The following TVP23A variants were observed in gnomAD, a reference collection of about 807,000 sequenced individuals.
TVP23A encodes the protein Golgi apparatus membrane protein TVP23 homolog A.
Under a neutral mutation model 31.7 loss-of-function variants are expected in TVP23A, and 21 were observed. The ratio of observed to expected loss-of-function variants is 0.66; its 90% CI spans 0.47 to 0.95. TVP23A has a LOEUF of 0.95. TVP23A is among the 40% of genes least tolerant of loss of function. The probability of loss-of-function intolerance (pLI) is 0.00; values close to 1 mark genes in which losing one functional copy is unlikely to be tolerated. For missense variants in TVP23A, 279 were observed against 255.6 expected, an observed-to-expected ratio of 1.09 and a Z score of -0.62; for synonymous variants, 104 against 96.0, an observed-to-expected ratio of 1.08 and a Z score of -0.49.
rs1232216789 is a variant in TVP23A, at chr16:10,768,814, C to T, written c.*288G>A. 4.6e-6 allele frequency: 2 copies of T among 438,560 alleles called. No individual in the cohort carries two copies. The highest frequency in any genetic ancestry group is 8.1e-6 in the Non-Finnish European group (2 of 248,078). 27.2% of individuals were successfully genotyped at this position (438,560 alleles called of 1,614,324 possible). A position where few individuals can be genotyped will look rare whatever the true frequency, so the allele number is the denominator to read the frequency against. ...GTAAGGAAACAGCATTCCCAGAATC[C>T]TCCATCTATAGATGGTCCGAGGAAG... On this transcript the variant is annotated 3_prime_UTR_variant, in exon 8 of 8. Transcript: ENST00000299866. This position sits in a 1 kb window ranked among gnomAD's most constrained non-coding sequence, Gnocchi z 4.3.
intron 5 of TVP23A, 71 bp from the exon 6 acceptor site, chr16:10,771,869 G>A: frequency 1.3e-6 from 2 of 1,523,152 alleles, no homozygotes; most frequent in Non-Finnish European, 1.8e-6. Context: ...CCCAGGCTGG[G>A]GTGCAGAGGC....
At chr16:10,805,466 A>T (rs910562869) in intron 2 of TVP23A, among the ~76,000 whole-genome samples, 9 of 151,354 alleles carry the variant, frequency 5.9e-5, no homozygotes, top group African/African-American at 1.7e-4. Context: ...AAAGTATCTT[A>T]AAGTCCAGGG....
intron 2 of TVP23A, among the ~76,000 whole-genome samples, chr16:10,812,097 G>A (rs1340204034): frequency 6.6e-6 from 1 of 151,916 alleles, no homozygotes; most frequent in East Asian, 1.9e-4. Context: ...CAAGAGACTT[G>A]AATAGACATT....
intron 3 of TVP23A, among the ~76,000 whole-genome samples, chr16:10,774,546 G>A (rs894099526): frequency 1.3e-5 from 2 of 151,064 alleles, no homozygotes; most frequent in Admixed American, 6.6e-5. Flanking sequence ...GTGAATAAGT[G>A]CCACGAGATC....
intron 2 of TVP23A, among the ~76,000 whole-genome samples, chr16:10,813,479 T>G (rs2034291520): frequency 6.6e-6 from 1 of 152,214 alleles, no homozygotes; most frequent in African/African-American, 2.4e-5. Flanking sequence ...CCAATTAATG[T>G]TTGGATCCTT....
chr16:10,776,452 T>G (rs1021869679), intron 2 of TVP23A, among the ~76,000 whole-genome samples: 4 of 151,904 alleles, frequency 2.6e-5, no homozygotes, highest in African/African-American at 9.7e-5. Flanking sequence ...TGGCAGTGGG[T>G]GATGTGGGCC....
Position 10,799,008 on chromosome 16 carries a change from C to A in TVP23A, c.89+19095G>T, listed in dbSNP as rs115065632. 6.4e-3 allele frequency among the ~76,000 whole-genome samples: 974 copies of A among 152,290 alleles called. 13 individuals carry two copies. The highest frequency in any genetic ancestry group is 0.022 in the African/African-American group (925 of 41,554). On this transcript the variant is annotated intron_variant, in intron 2 of 7. Transcript: ENST00000299866. ...ACTCTCTCCCTCATTCTCCCTAGGG[C>A]AAGCCAGCTGCCATGTTGGGAGCAG... is the stretch of plus-strand genomic sequence containing the variant.
At chr16:10,805,487 T>C (rs1332145696) in intron 2 of TVP23A, among the ~76,000 whole-genome samples, 1 of 150,710 alleles carries the variant, frequency 6.6e-6, no homozygotes, top group African/African-American at 2.4e-5. Context: ...GAGAGATACA[T>C]CTGTACTTTA....
chr16:10,764,467 G>A (rs2142794235), downstream of TVP23A, among the ~76,000 whole-genome samples: 1 of 151,010 alleles, frequency 6.6e-6, no homozygotes, highest in African/African-American at 2.4e-5. Flanking sequence ...ATCTCAGTCT[G>A]CTGGAGTATG....
intron 3 of TVP23A, among the ~76,000 whole-genome samples, chr16:10,774,332 C>G (rs2031844962): frequency 1.3e-5 from 2 of 152,172 alleles, no homozygotes; most frequent in Non-Finnish European, 2.9e-5. Context: ...ACTCCCCCCA[C>G]AAAACATATA....
intron 2 of TVP23A, among the ~76,000 whole-genome samples, chr16:10,788,020 G>A (rs181677682): frequency 3.3e-5 from 5 of 152,140 alleles, no homozygotes; most frequent in Non-Finnish European, 7.3e-5. Flanking sequence ...ATGGGGTCCT[G>A]AGAACATGTG....
chr16:10,800,252 A>C (rs2033633632), intron 2 of TVP23A: 1 of 152,008 alleles, frequency 6.6e-6, no homozygotes, highest in African/African-American at 2.4e-5. Flanking sequence ...GAGCTTCTAG[A>C]TTCTGCTAGA....
At chr16:10,811,727 A>AC (rs1356439958) in intron 2 of TVP23A, among the ~76,000 whole-genome samples, 1 of 150,740 alleles carries the variant, frequency 6.6e-6, no homozygotes, top group African/African-American at 2.4e-5. Context: ...ACATGGTGAA[A>AC]CCCCGTCTCT....
At chr16:10,782,081 C>T (rs149809579) in intron 2 of TVP23A, among the ~76,000 whole-genome samples, 4 of 151,878 alleles carry the variant, frequency 2.6e-5, no homozygotes, top group Admixed American at 6.6e-5. Context: ...GGGCTGGTCT[C>T]GAACTCCTGA....
chr16:10,815,477 C>T (rs2034397683), intron 2 of TVP23A, among the ~76,000 whole-genome samples: 1 of 152,120 alleles, frequency 6.6e-6, no homozygotes, highest in South Asian at 2.1e-4. Context: ...ATGCCTACTC[C>T]CACCCTGCAA....
At chr16:10,783,306 C>G (rs1480951164) in intron 2 of TVP23A, among the ~76,000 whole-genome samples, 1 of 152,162 alleles carries the variant, frequency 6.6e-6, no homozygotes, top group Non-Finnish European at 1.5e-5. Context: ...TGAAAACTTA[C>G]GTCTGCACAA....
chr16:10,784,820 T>C (rs1372344230), intron 2 of TVP23A, among the ~76,000 whole-genome samples: 1 of 151,998 alleles, frequency 6.6e-6, no homozygotes, highest in East Asian at 1.9e-4. Context: ...CAGAGCCAGG[T>C]CCAGGTGTGG....
chr16:10,816,466 T>A (rs372175152), intron 2 of TVP23A, among the ~76,000 whole-genome samples: 4 of 152,032 alleles, frequency 2.6e-5, no homozygotes, highest in African/African-American at 9.7e-5. Context: ...CCTGAGTGGC[T>A]GAGATTACAG....
intron 7 of TVP23A, chr16:10,769,473 G>T (rs936487897): frequency 4.9e-6 from 1 of 204,310 alleles, no homozygotes; most frequent in African/African-American, 2.3e-5. Flanking sequence ...GTGAAGATAA[G>T]AAAGCCTAGA....
Sources: allele counts gnomAD v4.1 joint callset (sites outside exome capture counted in the v4.1 genomes callset), GRCh38; gene constraint gnomAD v4.1.1; non-coding constraint Gnocchi (gnomAD v3.1); transcripts MANE v1.5; gene names NCBI Gene and HGNC (gene_info 2026-07-23, HGNC 2026-07-21).